The following FAM135B variants were observed in gnomAD, a reference collection of about 807,000 sequenced individuals.
FAM135B encodes family with sequence similarity 135 member B, also known as protein FAM135B.
In FAM135B, 43 loss-of-function variants were observed where a neutral mutation model predicts 127.7. That is an observed-to-expected ratio of 0.34 (90% CI 0.26 to 0.43). The LOEUF is 0.43. Ranked by LOEUF, FAM135B falls within the 20% of genes least tolerant of loss-of-function variation. FAM135B has a pLI of 1.00. For missense variants in FAM135B, 1,558 were observed against 1,725.6 expected (o/e 0.90, Z 1.72); for synonymous variants, 670 against 665.1 (o/e 1.01, Z -0.11).
intron 2 of FAM135B, among the ~76,000 whole-genome samples, chr8:138,328,844 A>G (rs1433863060): frequency 6.6e-6 from 1 of 152,186 alleles, no homozygotes; most frequent in African/African-American, 2.4e-5. Flanking sequence ...GGAGACATAC[A>G]AAAGTTTGCC....
At chr8:138,167,828 T>A (rs1181332295) in intron 12 of FAM135B, 67 bp downstream of exon 12, 24 of 1,497,082 alleles carry the variant, frequency 1.6e-5, no homozygotes, top group Non-Finnish European at 2.0e-5. Flanking sequence ...ATAAACAAAC[T>A]GTGCCATTGT....
At chr8:138,290,052 A>G (rs1450320345) in intron 3 of FAM135B, among the ~76,000 whole-genome samples, 4 of 152,188 alleles carry the variant, frequency 2.6e-5, no homozygotes, top group Admixed American at 6.5e-5. Flanking sequence ...GAGCCTTGAG[A>G]TGAGCATTGA....
intron 2 of FAM135B, among the ~76,000 whole-genome samples, chr8:138,326,448 G>T (rs1483144168): frequency 6.6e-6 from 1 of 152,148 alleles, no homozygotes; most frequent in African/African-American, 2.4e-5. Context: ...GGTTAAAGCA[G>T]GCCTTCAAGC....
At chr8:138,321,745 A>T (rs1400807911) in intron 2 of FAM135B, among the ~76,000 whole-genome samples, 1 of 152,212 alleles carries the variant, frequency 6.6e-6, no homozygotes, top group Non-Finnish European at 1.5e-5. Flanking sequence ...GCTTTTAATA[A>T]TAGGTATAAT....
chr8:138,252,493 T>G (rs961788002), intron 5 of FAM135B, among the ~76,000 whole-genome samples: 1 of 152,142 alleles, frequency 6.6e-6, no homozygotes, highest in Admixed American at 6.5e-5. Context: ...GTCGCAAAGA[T>G]GGCAAAAATG....
intron 1 of FAM135B, among the ~76,000 whole-genome samples, chr8:138,431,125 T>C (rs1286843441): frequency 6.6e-6 from 1 of 152,188 alleles, no homozygotes; most frequent in Non-Finnish European, 1.5e-5. Context: ...AACATTATCA[T>C]TAACCACTGA....
chr8:138,242,631 C>A lies in FAM135B; in HGVS notation c.669+311G>T, dbSNP rs1018514843. Among the ~76,000 whole-genome samples the A allele has an allele frequency of 7.2e-5, 11 of 152,154 alleles. No homozygotes were observed. The highest frequency in any genetic ancestry group is 1.3e-4 in the Admixed American group (2 of 15,270). On this transcript the variant is annotated intron_variant, in intron 7 of 19. Coordinates refer to ENST00000395297, the MANE Select transcript of FAM135B (RefSeq NM_015912.4). This position sits in a 1 kb window ranked among gnomAD's most constrained non-coding sequence, Gnocchi z 9.6. The stretch of plus-strand genomic sequence containing the variant: ...CCAGACATGGCCTTCAACGTTATCA[C>A]ATAGTCTGAGTGGCCCCCTCACAGC...
At chr8:138,331,919 G>T (rs919135995) in intron 2 of FAM135B, among the ~76,000 whole-genome samples, 2 of 152,100 alleles carry the variant, frequency 1.3e-5, no homozygotes, top group African/African-American at 4.8e-5. Context: ...ATGGTCAAAA[G>T]GTCCCAGAAC....
intron 7 of FAM135B, among the ~76,000 whole-genome samples, chr8:138,210,952 A>G (rs1586784561): frequency 6.6e-6 from 1 of 152,198 alleles, no homozygotes; most frequent in Non-Finnish European, 1.5e-5. Context: ...GGGAAGCAGA[A>G]GTGGCCTTTC....
At chr8:138,427,892 C>T (rs2131492286) in intron 1 of FAM135B, among the ~76,000 whole-genome samples, 1 of 152,290 alleles carries the variant, frequency 6.6e-6, no homozygotes, top group South Asian at 2.1e-4. Flanking sequence ...CCATGGATTT[C>T]TCCACCTGGT....
At chr8:138,392,100 T>A (rs890580368) in intron 1 of FAM135B, among the ~76,000 whole-genome samples, 1 of 152,236 alleles carries the variant, frequency 6.6e-6, no homozygotes, top group Non-Finnish European at 1.5e-5. Flanking sequence ...ACACCTGGCA[T>A]GTTGAATGTC....
chr8:138,477,606 C>T (rs1277511920), intron 1 of FAM135B: 2 of 152,194 alleles, frequency 1.3e-5, no homozygotes, highest in Admixed American at 1.3e-4. Context: ...CTAGCAGGCA[C>T]TACTAGTTTC....
chr8:138,226,423 C>T (rs1192705457), intron 7 of FAM135B, among the ~76,000 whole-genome samples: 1 of 152,094 alleles, frequency 6.6e-6, no homozygotes, highest in Admixed American at 6.6e-5. Context: ...AGGAAAAGCT[C>T]TCCCAAGGAA....
chr8:138,484,652 A>G lies in FAM135B; in HGVS notation c.-20+12019T>C, dbSNP rs571299939. ...TTTCCTCTCACGCACACCACTTCCT[A>G]ATTCAATGTTAATCTGTCGCTGAAA... On this transcript the variant is annotated intron_variant, in intron 1 of 19. Transcript: ENST00000395297. 9.2e-4 allele frequency among the ~76,000 whole-genome samples: 140 copies of G among 152,282 alleles called. 1 individual carries two copies. Among genetic ancestry groups the G allele is most frequent in the Admixed American group, 3.0e-3 (46 of 15,300 alleles).
intron 1 of FAM135B, among the ~76,000 whole-genome samples, chr8:138,407,361 C>T (rs929284739): frequency 2.6e-5 from 4 of 152,088 alleles, no homozygotes; most frequent in Non-Finnish European, 5.9e-5. Flanking sequence ...CAATGCCATC[C>T]CCATCAAGCT....
chr8:138,338,037 G>A (rs866905133), intron 2 of FAM135B, among the ~76,000 whole-genome samples: 172 of 152,284 alleles, frequency 1.1e-3, no homozygotes, highest in South Asian at 3.5e-3. Flanking sequence ...AAATGGTGCT[G>A]GGAAAACTGG....
intron 12 of FAM135B, among the ~76,000 whole-genome samples, chr8:138,156,799 T>C (rs1038738621): frequency 6.6e-6 from 1 of 152,136 alleles, no homozygotes; most frequent in African/African-American, 2.4e-5. Context: ...ATTGAGGCAG[T>C]GATTAATAGC....
At chr8:138,305,893 C>T (rs1438986161) in intron 3 of FAM135B, among the ~76,000 whole-genome samples, 1 of 151,864 alleles carries the variant, frequency 6.6e-6, no homozygotes, top group Non-Finnish European at 1.5e-5. Context: ...TATAGGAAGA[C>T]CACTTGAAAT....
Position 138,152,264 on chromosome 8 carries a change from T to C in FAM135B, c.2211A>G (p.Thr737=), listed in dbSNP as rs1818235785. The C allele has an allele frequency of 6.2e-7, 1 of 1,613,998 alleles. No individual in the cohort carries two copies. The highest frequency in any genetic ancestry group is 1.1e-5 in the South Asian group (1 of 91,084). ...SLEGGHTESN[T]SLPSGIQASL... ...AAGCCTGGATGCCGCTTGGCAAACT[T>C]GTGTTACTTTCTGTGTGTCCACCCT... Residue 737 remains threonine (T), a synonymous_variant, in exon 13 of 20, where the codon ACA becomes ACG. Transcript: ENST00000395297.
Sources: gnomAD v4.1 joint callset for allele counts (sites outside exome capture counted in the v4.1 genomes callset) on GRCh38, gnomAD v4.1.1 for gene constraint, Gnocchi (gnomAD v3.1) non-coding constraint, MANE v1.5 for transcripts, NCBI Gene and HGNC (gene_info 2026-07-23, HGNC 2026-07-21) for gene names.